The following TMCO4 variants were observed in gnomAD, a reference collection of about 807,000 sequenced individuals.
TMCO4 encodes the protein transmembrane and coiled-coil domain-containing protein 4.
TMCO4 carries 58 observed loss-of-function variants against 64.7 expected under a neutral mutation model. That is an observed-to-expected ratio of 0.90 (90% CI 0.73 to 1.12). The LOEUF is 1.12. Ranked by LOEUF, TMCO4 falls within the 50% of genes most tolerant of loss-of-function variation. The pLI, the probability that TMCO4 is intolerant of heterozygous loss-of-function variation, is 0.00. For synonymous variants in TMCO4, 325 were observed against 346.1 expected (o/e 0.94, Z 0.68); for missense variants, 780 against 825.9 (o/e 0.94, Z 0.68).
chr1:19,764,420 C>T (rs2042638355), intron 6 of TMCO4, among the ~76,000 whole-genome samples: 1 of 152,212 alleles, frequency 6.6e-6, no homozygotes, highest in Non-Finnish European at 1.5e-5. Context: ...CAGAGCCAGG[C>T]ATACAGTAGG....
intron 13 of TMCO4, among the ~76,000 whole-genome samples, chr1:19,713,871 T>G (rs751754789): frequency 7.2e-5 from 11 of 152,204 alleles, no homozygotes; most frequent in Non-Finnish European, 4.4e-5. Flanking sequence ...AATTCCTATT[T>G]TCCATCTCTT....
intron 4 of TMCO4, among the ~76,000 whole-genome samples, chr1:19,777,923 G>A (rs893986434): frequency 6.6e-6 from 1 of 152,178 alleles, no homozygotes; most frequent in African/African-American, 2.4e-5. Flanking sequence ...TGTAGTCCCA[G>A]CTACTCAGAA....
rs375938663 is a variant in TMCO4, at chr1:19,689,998, A to G, written c.1500+4436T>C. Among the ~76,000 whole-genome samples, 68 of 152,364 alleles carry G rather than the reference A, an allele frequency of 4.5e-4. 2 individuals are homozygous for G. Among genetic ancestry groups the G allele is most frequent in the Middle Eastern group, 3.4e-3 (1 of 294 alleles). ...TGGTCCCACATGAAACCTGTGACCC[A>G]GAGTGAGAACTTCTGTTCCTGTTTG... On this transcript the variant is annotated intron_variant, in intron 15 of 15. Coordinates refer to ENST00000294543, the MANE Select transcript of TMCO4 (RefSeq NM_181719.7).
intron 2 of TMCO4, among the ~76,000 whole-genome samples, chr1:19,797,888 AAGAG>A (rs1385392229): frequency 2.9e-5 from 4 of 136,982 alleles, no homozygotes; most frequent in Non-Finnish European, 4.8e-5. Flanking sequence ...AGAAGAAAGA[AAGAG>A]AGAGAGAGAG....
chr1:19,708,202 A>C lies in TMCO4; in HGVS notation c.1265-7317T>G, dbSNP rs529485872. Among the ~76,000 whole-genome samples, 16 of 152,280 alleles carry C rather than the reference A, an allele frequency of 1.1e-4. 1 individual carries two copies. Among genetic ancestry groups the C allele is most frequent in the African/African-American group, 3.9e-4 (16 of 41,542 alleles). On this transcript the variant is annotated intron_variant, in intron 13 of 15. Transcript: ENST00000294543. ...ATGCTGAACCATTCTGAATGCTTCC[A>C]GACAGCATCCTCAGAAGAGGAAACA...
At chr1:19,745,374 T>G in intron 10 of TMCO4, 158 bp downstream of exon 10, 12 of 1,119,338 alleles carry the variant, frequency 1.1e-5, no homozygotes, top group Non-Finnish European at 1.5e-5. Context: ...TGGACAGATG[T>G]GAGATGAAGT....
At chr1:19,754,441 T>G (rs1478747548) in intron 7 of TMCO4, among the ~76,000 whole-genome samples, 2 of 152,176 alleles carry the variant, frequency 1.3e-5, no homozygotes, top group Non-Finnish European at 2.9e-5. Flanking sequence ...TCCCCCTTTC[T>G]CAAGGAAATA....
At chr1:19,764,842 CAAA>C (rs33963523) in intron 6 of TMCO4, among the ~76,000 whole-genome samples, 2,287 of 70,096 alleles carry the variant, frequency 0.033, 21 homozygotes, top group African/African-American at 0.1. Flanking sequence ...AACTCTGTCT[CAAA>C]AAAAAAAAAA....
chr1:19,775,111 C>T (rs2043151283), intron 4 of TMCO4, among the ~76,000 whole-genome samples: 1 of 152,172 alleles, frequency 6.6e-6, no homozygotes, highest in African/African-American at 2.4e-5. Context: ...GTTGCCCAGG[C>T]TGGAGTGTAA....
chr1:19,780,220 C>T (rs1351451101), intron 4 of TMCO4, among the ~76,000 whole-genome samples: 1 of 152,210 alleles, frequency 6.6e-6, no homozygotes, highest in African/African-American at 2.4e-5. Context: ...AACCTCTCTG[C>T]ACTTAGATTT....
At chr1:19,702,277 T>C (rs1349080632) in intron 13 of TMCO4, among the ~76,000 whole-genome samples, 9 of 127,122 alleles carry the variant, frequency 7.1e-5, no homozygotes, top group African/African-American at 2.5e-4. Flanking sequence ...CCGAGACTCT[T>C]GTCTTTACAA....
chr1:19,690,850 T>C (rs1474724467), intron 15 of TMCO4, among the ~76,000 whole-genome samples: 2 of 150,094 alleles, frequency 1.3e-5, no homozygotes, highest in African/African-American at 4.9e-5. Context: ...GTGAGCCAAG[T>C]CTATCTGTGA....
chr1:19,771,329 GTCCT>G lies in TMCO4; in HGVS notation c.329_332del (p.Lys110ThrfsTer5). ...GTACCTGAGTGATCACCGTCGGGTC[GTCCT>G]TCAAGATGGGGTCCTTCAGTAAAAT... On this transcript the variant is annotated frameshift_variant, in exon 5 of 16. Transcript: ENST00000294543. LOFTEE classifies it high-confidence loss of function. 6.2e-7 allele frequency: 1 copy of G among 1,613,962 alleles called. No individual in the cohort carries two copies. The highest frequency in any genetic ancestry group is 8.5e-7 in the Non-Finnish European group (1 of 1,179,956).
At chr1:19,695,570 A>G (rs4244007) in intron 14 of TMCO4, among the ~76,000 whole-genome samples, 131,528 of 152,230 alleles carry the variant, frequency 0.86, 56,885 homozygotes, top group African/African-American at 0.89. Flanking sequence ...CTGTAGAGGG[A>G]TAAGAATGGC....
chr1:19,707,147 T>C (rs1284375637), intron 13 of TMCO4, among the ~76,000 whole-genome samples: 1 of 152,216 alleles, frequency 6.6e-6, no homozygotes, highest in Non-Finnish European at 1.5e-5. Context: ...ACACTGGCCT[T>C]GCTGTTCCCT....
At chr1:19,703,661 C>T (rs941183730) in intron 13 of TMCO4, among the ~76,000 whole-genome samples, 1 of 151,868 alleles carries the variant, frequency 6.6e-6, no homozygotes, top group African/African-American at 2.4e-5. Context: ...GATCCTCCTG[C>T]CTCAGCCTCC....
intron 15 of TMCO4, among the ~76,000 whole-genome samples, chr1:19,690,872 T>C (rs1557452027): frequency 2.0e-5 from 3 of 149,260 alleles, no homozygotes; most frequent in African/African-American, 7.4e-5. Context: ...GACTCTTTTT[T>C]TTTTTTTTTT....
In TMCO4 at chr1:19,769,063, C is replaced by T. The variant is rs575734184; in HGVS notation, c.382+1479G>A. ...AGCACGCATGAGAAAGCAGCTCATC[C>T]GCCCTGCTGCGTGGGCTTCAGCAAG... On this transcript the variant is annotated intron_variant, in intron 6 of 15. Coordinates refer to ENST00000294543, the MANE Select transcript of TMCO4 (RefSeq NM_181719.7). Among the ~76,000 whole-genome samples, 17 of 152,318 alleles carry T rather than the reference C, an allele frequency of 1.1e-4. No homozygotes were observed. In the South Asian group the frequency reaches 1.7e-3, roughly 15 times the overall value.
rs77093254 is a variant in TMCO4 at position 19,709,958 on chromosome 1, T to G, written c.1265-9073A>C. Among the ~76,000 whole-genome samples, 1,376 of 151,708 alleles carry G rather than the reference T, an allele frequency of 9.1e-3. 29 individuals are homozygous for G. Among genetic ancestry groups the G allele is most frequent in the South Asian group, 0.068 (324 of 4,786 alleles). Reference sequence around the variant, plus strand: ...CACCATGCCCAGTTAATTTTGTATTTTTAGTACAGATGGGGTTTCTCCATG... The same window carrying G: ...CACCATGCCCAGTTAATTTTGTATTGTTAGTACAGATGGGGTTTCTCCATG... On this transcript the variant is annotated intron_variant, in intron 13 of 15. Coordinates refer to ENST00000294543, the MANE Select transcript of TMCO4 (RefSeq NM_181719.7).
Sources: gnomAD v4.1 joint callset for allele counts (sites outside exome capture counted in the v4.1 genomes callset) on GRCh38, gnomAD v4.1.1 for gene constraint, MANE v1.5 for transcripts, NCBI Gene and HGNC (gene_info 2026-07-23, HGNC 2026-07-21) for gene names.